TRIM44: variants seen among roughly 807,000 people sequenced by gnomAD.
TRIM44 encodes tripartite motif containing 44, also known as tripartite motif-containing protein 44.
In TRIM44, 13 loss-of-function variants were observed where a neutral mutation model predicts 37.4. That is an observed-to-expected ratio of 0.35 (90% CI 0.23 to 0.55). TRIM44 has a LOEUF of 0.55. TRIM44 is among the 20% of genes least tolerant of loss of function. TRIM44 has a pLI of 0.89. For synonymous variants in TRIM44, 175 were observed against 157.2 expected, an observed-to-expected ratio of 1.11 and a Z score of -0.85; for missense variants, 426 against 437.2, an observed-to-expected ratio of 0.97 and a Z score of 0.23.
At chr11:35,804,580 G>A (rs576576864) in intron 4 of TRIM44, among the ~76,000 whole-genome samples, 1 of 152,292 alleles carries the variant, frequency 6.6e-6, no homozygotes, top group African/African-American at 2.4e-5. Context: ...AACAATGAGA[G>A]CTTGCTTTGG....
At chr11:35,669,994 T>C (rs1174663572) in intron 1 of TRIM44, among the ~76,000 whole-genome samples, 1 of 152,038 alleles carries the variant, frequency 6.6e-6, no homozygotes, top group Non-Finnish European at 1.5e-5. Context: ...CCTGATTTTT[T>C]GTAGTTTTAG....
intron 4 of TRIM44, among the ~76,000 whole-genome samples, chr11:35,794,254 ATCC>A (rs1255598299): frequency 6.6e-6 from 1 of 152,200 alleles, no homozygotes; most frequent in Non-Finnish European, 1.5e-5. Flanking sequence ...ACTTGATATC[ATCC>A]TCATCTCTCT....
chr11:35,754,439 A>C (rs976979229), intron 4 of TRIM44, among the ~76,000 whole-genome samples: 1 of 152,056 alleles, frequency 6.6e-6, no homozygotes, highest in African/African-American at 2.4e-5. Context: ...CCTTTCTTTC[A>C]AGGTCCCATT....
At chr11:35,665,590 T>G (rs937090035) in intron 1 of TRIM44, among the ~76,000 whole-genome samples, 3 of 120,508 alleles carry the variant, frequency 2.5e-5, no homozygotes, top group Admixed American at 7.5e-5. Flanking sequence ...ATATCTGTTT[T>G]TTTTTTTTTT....
chr11:35,742,896 T>C (rs971517639), intron 4 of TRIM44, among the ~76,000 whole-genome samples: 2 of 150,424 alleles, frequency 1.3e-5, no homozygotes, highest in African/African-American at 4.9e-5. Context: ...GCAGAGAGGT[T>C]ATACACTCAT....
chr11:35,681,750 A>G (rs983748179), intron 1 of TRIM44, among the ~76,000 whole-genome samples: 19 of 152,102 alleles, frequency 1.2e-4, no homozygotes, highest in Admixed American at 1.3e-4. Flanking sequence ...CTGTTCCACT[A>G]TCTTTTCTGT....
chr11:35,704,746 G>T (rs1342664768), intron 2 of TRIM44, among the ~76,000 whole-genome samples: 1 of 152,140 alleles, frequency 6.6e-6, no homozygotes, highest in Non-Finnish European at 1.5e-5. Flanking sequence ...TGCCTTACAA[G>T]AGCTCCTGAA....
chr11:35,794,383 T>A (rs1272843133), intron 4 of TRIM44, among the ~76,000 whole-genome samples: 1 of 152,196 alleles, frequency 6.6e-6, no homozygotes, highest in Non-Finnish European at 1.5e-5. Flanking sequence ...CACAGCTGTT[T>A]TATAGAGAAG....
In TRIM44 at chr11:35,692,544, GTGC is replaced by G. The variant is rs563887380; in HGVS notation, c.747+7210_747+7212del. ...GCTTCAGTGAGCGTTTCCTTTGTCA[GTGC>G]TCAAAGAATTTTGGAGTTTGGAGGA... On this transcript the variant is annotated intron_variant, in intron 2 of 4. Coordinates refer to ENST00000299413, the MANE Select transcript of TRIM44 (RefSeq NM_017583.6). 5.1e-4 allele frequency among the ~76,000 whole-genome samples: 77 copies of G among 152,266 alleles called. 1 individual carries two copies. In the South Asian group the frequency reaches 7.5e-3, roughly 15 times the overall value.
chr11:35,695,420 A>AAATCTGGC (rs1225281619), intron 2 of TRIM44, among the ~76,000 whole-genome samples: 3 of 152,146 alleles, frequency 2.0e-5, no homozygotes, highest in Non-Finnish European at 2.9e-5. Context: ...TTTTGCATTA[A>AAATCTGGC]AATCTGGCAA....
intron 2 of TRIM44, among the ~76,000 whole-genome samples, chr11:35,725,066 TCA>T (rs59413888): frequency 0.13 from 17,893 of 140,902 alleles, 1,274 homozygotes; most frequent in Non-Finnish European, 0.17. Flanking sequence ...ATGCACACAC[TCA>T]CACACACACA....
intron 4 of TRIM44, among the ~76,000 whole-genome samples, chr11:35,804,575 T>C (rs936766201): frequency 2.6e-5 from 4 of 152,094 alleles, no homozygotes; most frequent in African/African-American, 9.7e-5. Flanking sequence ...AAGAGAACAA[T>C]GAGAGCTTGC....
At chr11:35,777,974 C>T (rs2133869996) in intron 4 of TRIM44, among the ~76,000 whole-genome samples, 1 of 152,244 alleles carries the variant, frequency 6.6e-6, no homozygotes, top group African/African-American at 2.4e-5. Flanking sequence ...GTGGCATTCT[C>T]TGTATTTCCT....
chr11:35,760,410 A>C (rs934423802), intron 4 of TRIM44, among the ~76,000 whole-genome samples: 1 of 152,208 alleles, frequency 6.6e-6, no homozygotes, highest in African/African-American at 2.4e-5. Flanking sequence ...TTCTTTGACT[A>C]GGAAAGGGAA....
intron 2 of TRIM44, 48 bp downstream of exon 2, chr11:35,685,384 A>G (rs772398091): frequency 4.6e-6 from 7 of 1,509,034 alleles, no homozygotes; most frequent in Middle Eastern, 1.7e-4. Flanking sequence ...CAAGCATTTC[A>G]TTCTCCTTGA....
intron 4 of TRIM44, among the ~76,000 whole-genome samples, chr11:35,777,906 G>T (rs996592039): frequency 1.1e-4 from 17 of 152,052 alleles, no homozygotes; most frequent in Admixed American, 8.5e-4. Context: ...CTTCATTTCA[G>T]CTTTGGTGAG....
At chr11:35,804,545 A>ATAT (rs1853422950) in intron 4 of TRIM44, among the ~76,000 whole-genome samples, 1 of 152,230 alleles carries the variant, frequency 6.6e-6, no homozygotes, top group African/African-American at 2.4e-5. Flanking sequence ...TGCTGCCCTC[A>ATAT]TATTTGAAAT....
chr11:35,778,469 A>G (rs1008155562), intron 4 of TRIM44, among the ~76,000 whole-genome samples: 16 of 151,636 alleles, frequency 1.1e-4, no homozygotes, highest in African/African-American at 3.9e-4. Flanking sequence ...CAAGTCGTCA[A>G]AGTCATTCTC....
chr11:35,729,612 T>G (rs1852227653), intron 3 of TRIM44, among the ~76,000 whole-genome samples: 1 of 152,150 alleles, frequency 6.6e-6, no homozygotes, highest in African/African-American at 2.4e-5. Flanking sequence ...GTTTCCCTCC[T>G]CCTCCCCAAC....
Sources: gnomAD v4.1 joint callset for allele counts (sites outside exome capture counted in the v4.1 genomes callset) on GRCh38, gnomAD v4.1.1 for gene constraint, MANE v1.5 for transcripts, NCBI Gene and HGNC (gene_info 2026-07-23, HGNC 2026-07-21) for gene names.